Variants in AREL1 observed in about 807,000 individuals in gnomAD.
AREL1 encodes apoptosis resistant E3 ubiquitin protein ligase 1.
Under a neutral mutation model 99.0 loss-of-function variants are expected in AREL1, and 62 were observed. That is an observed-to-expected ratio of 0.63 (90% CI 0.51 to 0.77). AREL1 has a LOEUF of 0.77. Ranked by LOEUF, AREL1 falls within the 30% of genes least tolerant of loss-of-function variation. The pLI is 0.00. For missense variants in AREL1, 879 were observed against 1,027.6 expected, an observed-to-expected ratio of 0.86 and a Z score of 1.98; for synonymous variants, 380 against 376.5, an observed-to-expected ratio of 1.01 and a Z score of -0.11.
At chr14:74,695,628 T>A (rs1486399108) in intron 1 of AREL1, among the ~76,000 whole-genome samples, 1 of 152,146 alleles carries the variant, frequency 6.6e-6, no homozygotes, top group Non-Finnish European at 1.5e-5. Flanking sequence ...AATCAGCCAC[T>A]TCCTCCTTTG....
chr14:74,703,976 C>T (rs1303484534), intron 1 of AREL1, among the ~76,000 whole-genome samples: 2 of 152,206 alleles, frequency 1.3e-5, no homozygotes, highest in Non-Finnish European at 1.5e-5. Context: ...AGGCAGGTTG[C>T]TCTATATCCA....
intron 1 of AREL1, among the ~76,000 whole-genome samples, chr14:74,695,760 A>G (rs1429289505): frequency 1.3e-5 from 2 of 152,244 alleles, no homozygotes; most frequent in African/African-American, 2.4e-5. Flanking sequence ...TGACCAGGTC[A>G]TAACATTGCC....
intron 14 of AREL1, 63 bp downstream of exon 14, chr14:74,669,884 G>C: frequency 1.3e-6 from 2 of 1,581,426 alleles, no homozygotes; most frequent in Non-Finnish European, 1.7e-6. Context: ...ACAAGCCCAG[G>C]AGGAGAGATT....
At position 74,700,978 on chromosome 14, in the gene AREL1, T is replaced by C. The variant is rs572687940; in HGVS notation, c.-333-8650A>G. Among the ~76,000 whole-genome samples the C allele has an allele frequency of 2.0e-5, 3 of 152,296 alleles. No individual in the cohort carries two copies. The South Asian group carries it at 6.2e-4, about 32-fold the overall frequency. ...CATTAATGAGCACAAGATAAGGGGC[T>C]ACTGGTCCAATGGAGTAGCTATACA... On this transcript the variant is annotated intron_variant, in intron 1 of 19. Coordinates refer to ENST00000356357, the MANE Select transcript of AREL1 (RefSeq NM_001039479.2).
At position 74,676,797 on chromosome 14, in the gene AREL1, T is replaced by C. The variant is rs755643730; in HGVS notation, c.482-45A>G. ...ATCTAACATTTATTTATTTTATTTT[T>C]TTATTTTTATTTTTTTTGAGATGGA... On this transcript the variant is annotated intron_variant, in intron 5 of 19. Coordinates refer to ENST00000356357, the MANE Select transcript of AREL1 (RefSeq NM_001039479.2). 7.2e-6 allele frequency: 10 copies of C among 1,396,268 alleles called. No individual in the cohort carries two copies. In the South Asian group the frequency reaches 9.9e-5, roughly 14 times the overall value. 86.5% of individuals were successfully genotyped at this position (1,396,268 alleles called of 1,614,324 possible).
In AREL1 at chr14:74,673,077, C is replaced by T. The variant is rs1342995355; in HGVS notation, c.1300G>A (p.Gly434Arg). 2.5e-6 allele frequency: 4 copies of T among 1,614,138 alleles called. No homozygotes were observed. The highest frequency in any genetic ancestry group is 3.4e-6 in the Non-Finnish European group (4 of 1,180,020). Reference sequence around the variant, plus strand: ...CTATAGAATCCCTGTGTAACCTCACCTATGTTCTTATGCAGGGAGCGGATA... The same window carrying T: ...CTATAGAATCCCTGTGTAACCTCACTTATGTTCTTATGCAGGGAGCGGATA... ...TFIRSLHKNIGGSETFQDKVN... is the reference protein window; with the variant it reads ...TFIRSLHKNIRGSETFQDKVN... The change falls in exon 10 of 20, where the codon GGA becomes AGA. Residue 434 changes from glycine to arginine, a missense_variant and splice_region_variant. Transcript: ENST00000356357.
chr14:74,702,048 C>A (rs1219276305), intron 1 of AREL1, among the ~76,000 whole-genome samples: 6 of 152,206 alleles, frequency 3.9e-5, no homozygotes, highest in Admixed American at 2.6e-4. Context: ...ACAGCCTCCT[C>A]CCCAGCTGCT....
intron 12 of AREL1, among the ~76,000 whole-genome samples, chr14:74,671,100 G>A (rs1384083203): frequency 6.6e-6 from 1 of 152,048 alleles, no homozygotes; most frequent in Non-Finnish European, 1.5e-5. Flanking sequence ...AACACCAGAG[G>A]TCGGAGATCC....
chr14:74,678,101 A>G, intron 5 of AREL1: 1 of 421,078 alleles, frequency 2.4e-6, no homozygotes, highest in Non-Finnish European at 4.6e-6. Flanking sequence ...AGATTATTCT[A>G]AAATTTAAAT....
At position 74,663,630 on chromosome 14, in the gene AREL1, ATG is replaced by A; in HGVS notation, c.*88_*89del. ...ATGCGGCATCTTCTGGCTGATGGTT[ATG>A]TGTGTTAGGATCAGTGGTTATGATG... On this transcript the variant is annotated 3_prime_UTR_variant, in exon 20 of 20. Coordinates refer to ENST00000356357, the MANE Select transcript of AREL1 (RefSeq NM_001039479.2). 1 of 1,277,878 alleles carries A rather than the reference ATG, an allele frequency of 7.8e-7. No homozygotes were observed. Among genetic ancestry groups the A allele is most frequent in the South Asian group, 1.2e-5 (1 of 83,728 alleles). 79.2% of individuals were successfully genotyped at this position (1,277,878 alleles called of 1,614,324 possible).
chr14:74,698,389 C>G (rs1345748092), intron 1 of AREL1, among the ~76,000 whole-genome samples: 1 of 152,160 alleles, frequency 6.6e-6, no homozygotes, highest in Admixed American at 6.6e-5. Flanking sequence ...TGCCCTGATG[C>G]CCAAATCTGG....
At chr14:74,712,337 A>C (rs1211758799) in intron 1 of AREL1, among the ~76,000 whole-genome samples, 1 of 152,194 alleles carries the variant, frequency 6.6e-6, no homozygotes, top group African/African-American at 2.4e-5. Context: ...AATCTCATTA[A>C]GTGTATTACA....
chr14:74,702,181 C>T (rs1404230625), intron 1 of AREL1, among the ~76,000 whole-genome samples: 1 of 152,172 alleles, frequency 6.6e-6, no homozygotes, highest in East Asian at 1.9e-4. Context: ...TAGACAGTGC[C>T]CCAGTGGGGA....
At chr14:74,674,004 G>C (rs764504341) in intron 9 of AREL1, 30 bp downstream of exon 9, 1 of 1,563,522 alleles carries the variant, frequency 6.4e-7, no homozygotes, top group South Asian at 1.1e-5. Context: ...AAGCATGCTT[G>C]ATGTGAACCA....
chr14:74,706,261 C>T (rs2090177003), intron 1 of AREL1, among the ~76,000 whole-genome samples: 1 of 152,168 alleles, frequency 6.6e-6, no homozygotes, highest in Admixed American at 6.5e-5. Flanking sequence ...CCGTCTCCCT[C>T]AATAAGTCTA....
intron 4 of AREL1, 29 bp downstream of exon 4, chr14:74,684,425 T>C (rs1184268045): frequency 6.2e-7 from 1 of 1,602,286 alleles, no homozygotes; most frequent in Admixed American, 1.7e-5. Context: ...GAAACCCCAA[T>C]GGGTATGGAG....
intron 8 of AREL1, among the ~76,000 whole-genome samples, chr14:74,674,593 C>T (rs1346442966): frequency 1.3e-5 from 2 of 152,042 alleles, no homozygotes; most frequent in African/African-American, 4.8e-5. Flanking sequence ...CAAAGTGAGA[C>T]CCTGTCTCAA....
intron 5 of AREL1, among the ~76,000 whole-genome samples, chr14:74,677,939 AT>A (rs2089531074): frequency 6.6e-6 from 1 of 152,206 alleles, no homozygotes; most frequent in African/African-American, 2.4e-5. Context: ...CTTGGAAGAA[AT>A]AAAACAAAAA....
chr14:74,682,963 C>T (rs1197129808), intron 5 of AREL1, among the ~76,000 whole-genome samples: 2 of 152,208 alleles, frequency 1.3e-5, no homozygotes, highest in Non-Finnish European at 2.9e-5. Context: ...TACCCAGTCT[C>T]AGGTATTTCT....
Sources: gnomAD v4.1 joint callset for allele counts (sites outside exome capture counted in the v4.1 genomes callset) on GRCh38, gnomAD v4.1.1 for gene constraint, MANE v1.5 for transcripts, NCBI Gene and HGNC (gene_info 2026-07-23, HGNC 2026-07-21) for gene names.